The following ANLN variants were observed in gnomAD, a reference collection of about 807,000 sequenced individuals.
ANLN encodes the protein anillin, actin binding protein.
In ANLN, 59 loss-of-function variants were observed where a neutral mutation model predicts 135.1. The ratio of observed to expected loss-of-function variants is 0.44; its 90% confidence interval spans 0.35 to 0.54. The LOEUF is 0.54. Ranked by LOEUF, ANLN falls within the 20% of genes least tolerant of loss-of-function variation. The pLI is 0.00. For missense variants in ANLN, 1,182 were observed against 1,340.0 expected, an observed-to-expected ratio of 0.88 and a Z score of 1.84; for synonymous variants, 406 against 456.4, an observed-to-expected ratio of 0.89 and a Z score of 1.41.
At position 36,441,003 on chromosome 7, in the gene ANLN, A is replaced by G. The variant is rs1006101495; in HGVS notation, c.2970+1713A>G. On this transcript the variant is annotated intron_variant, in intron 21 of 23. Coordinates refer to ENST00000265748, the MANE Select transcript of ANLN (RefSeq NM_018685.5). ...AGTAACTGTAGCCAACTTCCCAAGG[A>G]TTGGGAATTGCTACTTATTAACAGT... Among the ~76,000 whole-genome samples the G allele has an allele frequency of 2.6e-5, 4 of 152,292 alleles. No homozygotes were observed. The East Asian group carries it at 7.7e-4, about 29-fold the overall frequency.
intron 7 of ANLN, among the ~76,000 whole-genome samples, chr7:36,412,306 A>AATATATATATATATATAT (rs60215077): frequency 1.9e-5 from 2 of 102,676 alleles, no homozygotes; most frequent in South Asian, 3.5e-4. Flanking sequence ...CTGCCAGAGA[A>AATATATATATATATATAT]ATATATATAT....
intron 22 of ANLN, among the ~76,000 whole-genome samples, chr7:36,448,464 A>G (rs917692784): frequency 6.6e-6 from 1 of 152,112 alleles, no homozygotes; most frequent in Non-Finnish European, 1.5e-5. Context: ...TTGCTTTGCT[A>G]GGGTGTTTTA....
rs533057442 is a variant in ANLN, at chr7:36,435,578, T to C, written c.2884-3626T>C. Among the ~76,000 whole-genome samples the C allele has an allele frequency of 1.0e-3, 156 of 152,206 alleles. 1 individual carries two copies. The highest frequency in any genetic ancestry group is 3.5e-3 in the African/African-American group (146 of 41,530). ...TTTCTTTTGCTCAGCGTGATGTTTT[T>C]AAGATTTATCCATGGCCGGGCGCGG... On this transcript the variant is annotated intron_variant, in intron 20 of 23. Coordinates refer to ENST00000265748, the MANE Select transcript of ANLN (RefSeq NM_018685.5).
chr7:36,407,993 A>G, intron 5 of ANLN, 37 bp downstream of exon 5: 6 of 1,430,734 alleles, frequency 4.2e-6, no homozygotes, highest in African/African-American at 2.9e-5. Flanking sequence ...ATTGCTGATT[A>G]TATTCAGGAT....
chr7:36,413,053 A>G (rs551512820), intron 7 of ANLN, among the ~76,000 whole-genome samples: 18 of 152,124 alleles, frequency 1.2e-4, no homozygotes, highest in South Asian at 6.2e-4. Context: ...ACCACTGCCT[A>G]TGGGAGTCTT....
At chr7:36,406,642 G>A in intron 4 of ANLN, 76 bp downstream of exon 4, 1 of 1,285,348 alleles carries the variant, frequency 7.8e-7, no homozygotes, top group Non-Finnish European at 1.0e-6. Flanking sequence ...CTGTGTGTAT[G>A]TGCAGGTGGA....
chr7:36,415,732 A>G (rs1254388987), intron 7 of ANLN, 26 bp from the exon 8 acceptor site: 2 of 1,559,856 alleles, frequency 1.3e-6, no homozygotes, highest in Non-Finnish European at 1.7e-6. Flanking sequence ...GAGAAATAAA[A>G]TTTACTTTTC....
At chr7:36,439,445 T>C (rs577411939) in intron 21 of ANLN, among the ~76,000 whole-genome samples, 155 bp downstream of exon 21, 2 of 152,340 alleles carry the variant, frequency 1.3e-5, no homozygotes, top group South Asian at 2.1e-4. Flanking sequence ...TGTGCTGCCA[T>C]TGGAATGTAA....
At position 36,449,855 on chromosome 7, in the gene ANLN, A is replaced by T; in HGVS notation, c.3251+18A>T. ...GTTACCAAGTATGTATTGGCCTATAAATATTTCTATCAACTAAGCAATTGA... is the reference window on the plus strand; with the variant it reads ...GTTACCAAGTATGTATTGGCCTATATATATTTCTATCAACTAAGCAATTGA... On this transcript the variant is annotated intron_variant, in intron 23 of 23. Transcript: ENST00000265748. 2 of 1,605,738 alleles carry T rather than the reference A, an allele frequency of 1.2e-6. No homozygotes were observed. The highest frequency in any genetic ancestry group is 1.7e-6 in the Non-Finnish European group (2 of 1,175,896).
At chr7:36,439,618 AG>A (rs1402515291) in intron 21 of ANLN, among the ~76,000 whole-genome samples, 1 of 152,242 alleles carries the variant, frequency 6.6e-6, no homozygotes, top group Non-Finnish European at 1.5e-5. Flanking sequence ...GGTGGGATAA[AG>A]GGAACTGCTG....
chr7:36,415,013 A>G (rs757098225), intron 7 of ANLN, among the ~76,000 whole-genome samples: 16 of 152,358 alleles, frequency 1.1e-4, no homozygotes, highest in South Asian at 1.0e-3. Flanking sequence ...TGAGCTCTGT[A>G]TAAGTATTAG....
At chr7:36,410,184 A>C (rs1312840099) in intron 5 of ANLN, among the ~76,000 whole-genome samples, 2 of 152,206 alleles carry the variant, frequency 1.3e-5, no homozygotes, top group African/African-American at 4.8e-5. Flanking sequence ...ATTTATTAAT[A>C]TACATACAGT....
Position 36,412,431 on chromosome 7 carries a change from C to T in ANLN, c.1395+1265C>T, listed in dbSNP as rs142163970. Among the ~76,000 whole-genome samples the T allele has an allele frequency of 6.4e-4, 96 of 150,200 alleles. No homozygotes were observed. The East Asian group carries it at 0.018, about 29-fold the overall frequency. ...GCAACCTCCACCTCCCGGCTTCAAGCGATTCTCCTGCCTCAGCCTCCTAAG... is the reference window on the plus strand; with the variant it reads ...GCAACCTCCACCTCCCGGCTTCAAGTGATTCTCCTGCCTCAGCCTCCTAAG... On this transcript the variant is annotated intron_variant, in intron 7 of 23. Coordinates refer to ENST00000265748, the MANE Select transcript of ANLN (RefSeq NM_018685.5).
rs1277362614 is a variant in ANLN, at chr7:36,417,195, G to C, written c.1633+5G>C. 3 of 1,526,588 alleles carry C rather than the reference G, an allele frequency of 2.0e-6. No homozygotes were observed. In the South Asian group the frequency reaches 3.6e-5, roughly 18 times the overall value. 94.6% of individuals were successfully genotyped at this position (1,526,588 alleles called of 1,614,324 possible). A position where few individuals can be genotyped will look rare whatever the true frequency, so the allele number is the denominator to read the frequency against. The stretch of plus-strand genomic sequence containing the variant: ...CAAAGGTTGAGCAGAAAATTGGTTG[G>C]TTTTTATTCTTTATTTATTATTAAC... On this transcript the variant is annotated splice_donor_5th_base_variant and intron_variant, in intron 9 of 23. Coordinates refer to ENST00000265748, the MANE Select transcript of ANLN (RefSeq NM_018685.5).
At chr7:36,395,842 C>A (rs1364859413) in intron 1 of ANLN, among the ~76,000 whole-genome samples, 1 of 151,934 alleles carries the variant, frequency 6.6e-6, no homozygotes, top group African/African-American at 2.4e-5. Flanking sequence ...GTAGACTTAA[C>A]CTGGGCATGT....
At chr7:36,431,528 A>G (rs937062182) in intron 20 of ANLN, among the ~76,000 whole-genome samples, 7 of 143,814 alleles carry the variant, frequency 4.9e-5, no homozygotes, top group African/African-American at 1.8e-4. Context: ...CTATCTATCT[A>G]TCATATATAT....
chr7:36,396,721 T>G (rs900424464), intron 2 of ANLN, among the ~76,000 whole-genome samples: 1 of 152,224 alleles, frequency 6.6e-6, no homozygotes, highest in African/African-American at 2.4e-5. Flanking sequence ...AGGGTAACAT[T>G]TATACTTACA....
At chr7:36,394,474 ACAATATG>A (rs1202762189) in intron 1 of ANLN, among the ~76,000 whole-genome samples, 1 of 152,182 alleles carries the variant, frequency 6.6e-6, no homozygotes, top group Non-Finnish European at 1.5e-5. Context: ...GATTTGTGAA[ACAATATG>A]CTTATTCTTG....
chr7:36,421,944 A>C lies in ANLN; in HGVS notation c.2251A>C (p.Lys751Gln), dbSNP rs1212120292. ...LNCCVDEEHGKGSLEEAEAER... is the reference protein window; with the variant it reads ...LNCCVDEEHGQGSLEEAEAER... ...CTGCTGTGTTGATGAAGAACATGGAAAAGGGTCCCTAGAAGAAGCTGAAGC... is the reference window on the plus strand; with the variant it reads ...CTGCTGTGTTGATGAAGAACATGGACAAGGGTCCCTAGAAGAAGCTGAAGC... The change falls in exon 13 of 24, where the codon AAA becomes CAA. Residue 751 changes from lysine to glutamine, a missense_variant. By Grantham distance (53) the Lys-to-Gln change is moderately conservative (BLOSUM62 1). This residue lies in a region of ANLN where 1,022 missense variants were observed against 1,134.0 expected (regional missense o/e 0.90). Coordinates refer to ENST00000265748, the MANE Select transcript of ANLN (RefSeq NM_018685.5). 6 of 1,613,824 alleles carry C rather than the reference A, an allele frequency of 3.7e-6. No homozygotes were observed. Among genetic ancestry groups the C allele is most frequent in the Non-Finnish European group, 5.1e-6 (6 of 1,179,842 alleles).
Sources: allele counts gnomAD v4.1 joint callset (sites outside exome capture counted in the v4.1 genomes callset), GRCh38; gene constraint gnomAD v4.1.1; regional missense constraint gnomAD v4.1.1; transcripts MANE v1.5; gene names NCBI Gene and HGNC (gene_info 2026-07-23, HGNC 2026-07-21).